The following EYS variants were observed in gnomAD, a reference collection of about 807,000 sequenced individuals.
The protein encoded by EYS is protein eyes shut homolog.
Under a neutral mutation model 282.1 loss-of-function variants are expected in EYS, and 250 were observed. That is an observed-to-expected ratio of 0.89 (90% confidence interval 0.80 to 0.98). EYS has a LOEUF of 0.98. EYS is among the 50% of genes least tolerant of loss of function. The pLI, the probability that EYS is intolerant of heterozygous loss-of-function variation, is 0.00. For synonymous variants in EYS, 1,355 were observed against 1,282.9 expected, an observed-to-expected ratio of 1.06 and a Z score of -1.20; for missense variants, 4,016 against 3,709.0, an observed-to-expected ratio of 1.08 and a Z score of -2.15.
intron 24 of EYS, among the ~76,000 whole-genome samples, chr6:64,603,861 CTGTGTGTGTGTGTGTGTG>C (rs34430318): frequency 2.2e-3 from 322 of 148,284 alleles, no homozygotes; most frequent in East Asian, 0.018. Flanking sequence ...AAATGAATAC[CTGTGTGTGTGTGTGTGTG>C]TGTGTGTGTG....
At chr6:65,671,189 T>C (rs1768379661) in intron 1 of EYS, among the ~76,000 whole-genome samples, 1 of 150,900 alleles carries the variant, frequency 6.6e-6, no homozygotes, top group Non-Finnish European at 1.5e-5. Context: ...TGCCAGATGG[T>C]AGTATGATCA....
intron 33 of EYS, among the ~76,000 whole-genome samples, chr6:64,010,312 GGCAGGGTGTTGGCAGGT>G (rs1250589947): frequency 6.6e-6 from 1 of 151,580 alleles, no homozygotes; most frequent in Non-Finnish European, 1.5e-5. Flanking sequence ...GTGTGGCAGG[GGCAGGGTGTTGGCAGGT>G]GCAGGGCTTC....
At chr6:65,504,827 A>G (rs1678101092) in intron 2 of EYS, among the ~76,000 whole-genome samples, 1 of 151,428 alleles carries the variant, frequency 6.6e-6, no homozygotes, top group African/African-American at 2.4e-5. Context: ...ATTTGTTGAG[A>G]ATGTTGTGTC....
At chr6:65,029,449 T>A (rs1772529074) in intron 13 of EYS, among the ~76,000 whole-genome samples, 1 of 152,196 alleles carries the variant, frequency 6.6e-6, no homozygotes, top group Admixed American at 6.5e-5. Flanking sequence ...TTTATACTGA[T>A]AAACCATTGA....
chr6:64,461,094 T>A (rs958282809), intron 26 of EYS, among the ~76,000 whole-genome samples: 1 of 152,156 alleles, frequency 6.6e-6, no homozygotes, highest in Admixed American at 6.5e-5. Context: ...TTCCTGCAGG[T>A]GAACATTTCC....
At chr6:64,630,297 C>G (rs1167624651) in intron 22 of EYS, among the ~76,000 whole-genome samples, 1 of 152,052 alleles carries the variant, frequency 6.6e-6, no homozygotes, top group Non-Finnish European at 1.5e-5. Context: ...CGGGATTTCA[C>G]CATGTTGGCC....
At chr6:65,237,669 C>T (rs909359684) in intron 12 of EYS, among the ~76,000 whole-genome samples, 10 of 152,030 alleles carry the variant, frequency 6.6e-5, no homozygotes, top group East Asian at 3.9e-4. Flanking sequence ...TCCTCATTTA[C>T]GATTCTGATA....
chr6:65,007,302 C>T (rs1035304004), intron 13 of EYS, among the ~76,000 whole-genome samples: 1 of 152,042 alleles, frequency 6.6e-6, no homozygotes, highest in African/African-American at 2.4e-5. Flanking sequence ...GGAAACATTT[C>T]CCCCAAGGCA....
chr6:64,626,735 T>C (rs1480830339), intron 22 of EYS, among the ~76,000 whole-genome samples: 4 of 152,240 alleles, frequency 2.6e-5, no homozygotes, highest in South Asian at 2.1e-4. Context: ...GTTGGACTTC[T>C]GGTCTCCACA....
At chr6:64,802,861 A>G (rs1764296437) in intron 22 of EYS, among the ~76,000 whole-genome samples, 1 of 152,196 alleles carries the variant, frequency 6.6e-6, no homozygotes, top group African/African-American at 2.4e-5. Flanking sequence ...TGCTGAGACT[A>G]GACTGATTTG....
At chr6:64,794,366 T>G (rs1774287591) in intron 22 of EYS, among the ~76,000 whole-genome samples, 1 of 152,164 alleles carries the variant, frequency 6.6e-6, no homozygotes, top group Admixed American at 6.5e-5. Flanking sequence ...GGTGAGGGGC[T>G]TGGTGGGAGG....
intron 1 of EYS, among the ~76,000 whole-genome samples, chr6:65,694,233 G>A (rs1419408727): frequency 2.0e-5 from 3 of 149,304 alleles, no homozygotes; most frequent in Non-Finnish European, 3.0e-5. Context: ...ACTCCAGGCT[G>A]GGCAACAAGA....
chr6:65,103,079 A>G (rs1774938636), intron 12 of EYS, among the ~76,000 whole-genome samples: 1 of 151,384 alleles, frequency 6.6e-6, no homozygotes, highest in African/African-American at 2.4e-5. Flanking sequence ...CTGGAAACTT[A>G]TTAGAAAAGC....
At chr6:64,451,953 C>G (rs1405563458) in intron 26 of EYS, among the ~76,000 whole-genome samples, 1 of 152,156 alleles carries the variant, frequency 6.6e-6, no homozygotes, top group Non-Finnish European at 1.5e-5. Context: ...TGGCACAAGA[C>G]AGGGATGCCC....
intron 2 of EYS, among the ~76,000 whole-genome samples, chr6:65,540,079 AGT>A (rs571315368): frequency 9.6e-4 from 146 of 152,340 alleles, no homozygotes; most frequent in South Asian, 1.2e-3. Context: ...TTACATTTGT[AGT>A]AAAGGGGAAT....
intron 30 of EYS, among the ~76,000 whole-genome samples, chr6:64,234,400 G>A (rs1766520322): frequency 6.6e-6 from 1 of 150,766 alleles, no homozygotes; most frequent in Non-Finnish European, 1.5e-5. Context: ...CATAAGAATA[G>A]TTCTTCACTT....
chr6:63,912,658 G>A (rs1764286003), intron 35 of EYS, among the ~76,000 whole-genome samples: 1 of 152,126 alleles, frequency 6.6e-6, no homozygotes. Flanking sequence ...GCCTGGTGGA[G>A]GTGGTTGGAT....
At chr6:64,400,633 C>T (rs890833599) in intron 28 of EYS, among the ~76,000 whole-genome samples, 2 of 152,046 alleles carry the variant, frequency 1.3e-5, no homozygotes, top group African/African-American at 4.8e-5. Flanking sequence ...CATAGAAAAA[C>T]AGTCCTACAA....
chr6:64,598,410 A>G (rs1162382), intron 24 of EYS, among the ~76,000 whole-genome samples: 18,632 of 152,244 alleles, frequency 0.12, 1,175 homozygotes, highest in East Asian at 0.17. Context: ...GCAGTGAGCC[A>G]AGATTGCGCC....
Sources: gnomAD v4.1 joint callset for allele counts (sites outside exome capture counted in the v4.1 genomes callset) on GRCh38, gnomAD v4.1.1 for gene constraint, MANE v1.5 for transcripts, NCBI Gene and HGNC (gene_info 2026-07-23, HGNC 2026-07-21) for gene names.